MBD5: variants seen among roughly 807,000 people sequenced by gnomAD.
The protein encoded by MBD5 is methyl-CpG binding domain protein 5.
A neutral mutation model predicts 117.3 loss-of-function variants in MBD5; 13 were observed. The observed-to-expected ratio is 0.11, with a 90% CI of 0.07 to 0.18. The LOEUF (loss-of-function observed/expected upper bound fraction) is 0.18. Among genes scored for constraint, MBD5 ranks in the 10% least tolerant of loss-of-function variants. MBD5 has a pLI of 1.00. For synonymous variants in MBD5, 727 were observed against 766.4 expected (o/e 0.95, Z 0.85); for missense variants, 1,879 against 2,093.8 (o/e 0.90, Z 2.00).
chr2:148,141,653 C>G (rs2105541379), intron 1 of MBD5, among the ~76,000 whole-genome samples: 1 of 152,126 alleles, frequency 6.6e-6, no homozygotes, highest in South Asian at 2.1e-4. Flanking sequence ...AAAAGCCAGG[C>G]ATGGTAGTTC....
intron 4 of MBD5, among the ~76,000 whole-genome samples, chr2:148,429,852 G>T (rs558762706): frequency 1.3e-5 from 2 of 152,042 alleles, no homozygotes; most frequent in Non-Finnish European, 2.9e-5. Context: ...GTCATGGGGT[G>T]GGGGGCTGGC....
rs577093626 is a variant in MBD5, at chr2:148,462,393, G to T, written c.114-189G>T. ...TCTGTATTTTTCTGAGAAATATTTT[G>T]GTTCAAAAGAAAACACAATATTGTT... On this transcript the variant is annotated intron_variant, in intron 5 of 13. Transcript: ENST00000642680. Among the ~76,000 whole-genome samples, 3 of 151,986 alleles carry T rather than the reference G, an allele frequency of 2.0e-5. No homozygotes were observed. The East Asian group carries it at 5.8e-4, about 29-fold the overall frequency.
At chr2:148,313,017 T>C (rs185768612) in intron 3 of MBD5, among the ~76,000 whole-genome samples, 5 of 152,234 alleles carry the variant, frequency 3.3e-5, no homozygotes, top group African/African-American at 1.2e-4. Context: ...TGTTCCTTCC[T>C]CTGGAAGGTT....
rs1218049303 is a variant in MBD5, at chr2:148,189,252, A to G, written c.-831+10459A>G. 5.4e-5 allele frequency among the ~76,000 whole-genome samples: 8 copies of G among 147,474 alleles called. No individual in the cohort carries two copies. The South Asian group carries it at 6.5e-4, about 12-fold the overall frequency. On this transcript the variant is annotated intron_variant, in intron 2 of 13. Coordinates refer to ENST00000642680, the MANE Select transcript of MBD5 (RefSeq NM_001378120.1). ...GGGAAGCTCGAACTGGGTGGAGCCC[A>G]CCACAGCTCAAGGAGGCCTGCCTGC...
chr2:148,342,516 C>G (rs1377113891), intron 4 of MBD5, among the ~76,000 whole-genome samples, 180 bp downstream of exon 4: 1 of 151,820 alleles, frequency 6.6e-6, no homozygotes, highest in Non-Finnish European at 1.5e-5. Flanking sequence ...AAAATGAATA[C>G]ATGTTTACTA....
chr2:148,097,654 T>C (rs1431494036), intron 1 of MBD5, among the ~76,000 whole-genome samples: 1 of 152,158 alleles, frequency 6.6e-6, no homozygotes, highest in Non-Finnish European at 1.5e-5. Flanking sequence ...TAAATCAGCT[T>C]TATTTCCCCA....
intron 1 of MBD5, among the ~76,000 whole-genome samples, chr2:148,085,816 G>A (rs1429005258): frequency 6.6e-6 from 1 of 152,200 alleles, no homozygotes; most frequent in Non-Finnish European, 1.5e-5. Context: ...TGAGAGAATG[G>A]AAATACTGAT....
chr2:148,218,043 T>C (rs1184178840), intron 2 of MBD5, among the ~76,000 whole-genome samples: 1 of 152,254 alleles, frequency 6.6e-6, no homozygotes, highest in Non-Finnish European at 1.5e-5. Context: ...AATTTTAATA[T>C]GTGCCAGATC....
intron 1 of MBD5, among the ~76,000 whole-genome samples, chr2:148,087,912 G>T (rs181732741): frequency 1.4e-3 from 220 of 152,060 alleles, no homozygotes; most frequent in Non-Finnish European, 2.9e-3. Context: ...TGACTATTAA[G>T]CTATTCAAAG....
At chr2:148,227,541 G>A (rs190559238) in intron 2 of MBD5, among the ~76,000 whole-genome samples, 4 of 152,176 alleles carry the variant, frequency 2.6e-5, no homozygotes, top group East Asian at 3.8e-4. Flanking sequence ...TTGAAGTCAG[G>A]TAGCATGATG....
chr2:148,352,937 T>C lies in MBD5; in HGVS notation c.-557+10601T>C, dbSNP rs144011212. On this transcript the variant is annotated intron_variant, in intron 4 of 13. Transcript: ENST00000642680. Reference sequence around the variant, plus strand: ...TTTTATATTCTATCTACCCAAGGATTTTTTGAGAAATCAAAACTGTCATGT... The same window carrying C: ...TTTTATATTCTATCTACCCAAGGATCTTTTGAGAAATCAAAACTGTCATGT... 2.7e-3 allele frequency among the ~76,000 whole-genome samples: 410 copies of C among 152,244 alleles called. 7 individuals are homozygous for C. In the East Asian group the frequency reaches 0.043, roughly 16 times the overall value.
intron 1 of MBD5, among the ~76,000 whole-genome samples, chr2:148,161,197 A>G (rs1697999298): frequency 6.6e-6 from 1 of 152,206 alleles, no homozygotes; most frequent in Admixed American, 6.5e-5. Context: ...ATGTGACCAC[A>G]AACACCCCTA....
chr2:148,233,457 A>G (rs529305999), intron 3 of MBD5, 62 bp downstream of exon 3: 49 of 152,204 alleles, frequency 3.2e-4, no homozygotes, highest in Admixed American at 8.5e-4. Context: ...CACAAGTAGA[A>G]TTATATTGGG....
At chr2:148,439,602 A>G (rs1379089382) in intron 4 of MBD5, among the ~76,000 whole-genome samples, 3 of 152,146 alleles carry the variant, frequency 2.0e-5, no homozygotes, top group African/African-American at 7.2e-5. Flanking sequence ...TTTTTTAAAA[A>G]CTGTTACCAT....
At chr2:148,430,713 TC>T (rs1474994711) in intron 4 of MBD5, among the ~76,000 whole-genome samples, 1 of 152,096 alleles carries the variant, frequency 6.6e-6, no homozygotes, top group Non-Finnish European at 1.5e-5. Context: ...CATACCATGT[TC>T]TTTATCAATA....
At chr2:148,084,961 G>T (rs1335045636) in intron 1 of MBD5, among the ~76,000 whole-genome samples, 1 of 152,204 alleles carries the variant, frequency 6.6e-6, no homozygotes, top group Non-Finnish European at 1.5e-5. Context: ...AGGCATAAAT[G>T]AGTTGACTCC....
chr2:148,428,000 T>A (rs1705859833), intron 4 of MBD5, among the ~76,000 whole-genome samples: 1 of 152,024 alleles, frequency 6.6e-6, no homozygotes, highest in Non-Finnish European at 1.5e-5. Flanking sequence ...GCCAAGGCAA[T>A]TAGACAAGAG....
Position 148,483,354 on chromosome 2 carries a change from TCTAC to T in MBD5, c.2767_2770del (p.Pro923SerfsTer5). ...CCTTGAACCCCAGCCTCCTCAGTTC[TCTAC>T]CTATCTCTTTGCCAGTGAATCAACA... is the stretch of plus-strand genomic sequence containing the variant. On this transcript the variant is annotated frameshift_variant, in exon 9 of 14. Transcript: ENST00000642680. LOFTEE classifies it high-confidence loss of function. 1 of 1,614,090 alleles carries T rather than the reference TCTAC, an allele frequency of 6.2e-7. No homozygotes were observed. The highest frequency in any genetic ancestry group is 8.5e-7 in the Non-Finnish European group (1 of 1,180,000).
intron 8 of MBD5, chr2:148,471,355 A>T (rs1680790362): frequency 6.6e-6 from 1 of 152,172 alleles, no homozygotes; most frequent in Non-Finnish European, 1.5e-5. Context: ...GTGTTGAGGC[A>T]TCAGAAAATT....
Sources: gnomAD v4.1 joint callset for allele counts (sites outside exome capture counted in the v4.1 genomes callset) on GRCh38, gnomAD v4.1.1 for gene constraint, MANE v1.5 for transcripts, NCBI Gene and HGNC (gene_info 2026-07-23, HGNC 2026-07-21) for gene names.